Variants in KCTD9 observed in about 807,000 individuals in gnomAD.
KCTD9 encodes potassium channel tetramerization domain containing 9, also known as BTB/POZ domain-containing protein KCTD9.
A neutral mutation model predicts 53.3 loss-of-function variants in KCTD9; 17 were observed. That is an observed-to-expected ratio of 0.32 (90% CI 0.22 to 0.48). The LOEUF (loss-of-function observed/expected upper bound fraction) is 0.48. Among genes scored for constraint, KCTD9 ranks in the 20% least tolerant of loss-of-function variants. KCTD9 has a pLI of 0.99. For missense variants in KCTD9, 179 were observed against 465.5 expected, an observed-to-expected ratio of 0.38 and a Z score of 5.66; for synonymous variants, 128 against 162.7, an observed-to-expected ratio of 0.79 and a Z score of 1.62.
Position 25,429,774 on chromosome 8 carries a change from C to G in KCTD9, c.*83G>C. On this transcript the variant is annotated 3_prime_UTR_variant, in exon 12 of 12. Transcript: ENST00000221200. Reference sequence around the variant, plus strand: ...AAATTTCCTTACAGTGTTATTTCTTCTAGACAACTGAGTGGGTGGAGAAAG... The same window carrying G: ...AAATTTCCTTACAGTGTTATTTCTTGTAGACAACTGAGTGGGTGGAGAAAG... 1.3e-6 allele frequency: 1 copy of G among 743,752 alleles called. No individual in the cohort carries two copies. The allele number at this position is 743,752 out of a possible 1,614,324, so 46.1% of individuals were successfully genotyped here.
intron 1 of KCTD9, among the ~76,000 whole-genome samples, chr8:25,453,794 G>A (rs17053712): frequency 0.4 from 61,304 of 151,962 alleles, 12,741 homozygotes; most frequent in African/African-American, 0.51. Flanking sequence ...GCTACTTCTT[G>A]GGTTATCTGG....
At chr8:25,446,011 T>G in intron 2 of KCTD9, 118 bp downstream of exon 2, 1 of 1,325,416 alleles carries the variant, frequency 7.5e-7, no homozygotes, top group Non-Finnish European at 1.0e-6. Context: ...AAATTCTAGG[T>G]AAACACTTGC....
intron 5 of KCTD9, 57 bp downstream of exon 5, chr8:25,439,549 G>A: frequency 1.3e-6 from 2 of 1,598,082 alleles, no homozygotes; most frequent in Non-Finnish European, 1.7e-6. Context: ...GAGTTATAAA[G>A]TCAGCACAGA....
intron 9 of KCTD9, among the ~76,000 whole-genome samples, chr8:25,434,739 G>GACAT (rs1801988861): frequency 6.6e-6 from 1 of 152,056 alleles, no homozygotes; most frequent in South Asian, 2.1e-4. Flanking sequence ...TAATTCAAAA[G>GACAT]ACATACAGAC....
At chr8:25,430,118 C>T in intron 11 of KCTD9, 145 bp from the exon 12 acceptor site, 2 of 636,130 alleles carry the variant, frequency 3.1e-6, no homozygotes, top group South Asian at 3.7e-5. Flanking sequence ...GATGATACAC[C>T]ACCCTAAATT....
intron 1 of KCTD9, chr8:25,450,293 C>A: frequency 2.0e-6 from 2 of 979,172 alleles, no homozygotes; most frequent in Non-Finnish European, 2.4e-6. Context: ...ACCAATTATC[C>A]CTTGGTAAAG....
chr8:25,431,200 T>TG (rs1180966424), intron 11 of KCTD9, among the ~76,000 whole-genome samples: 1 of 152,078 alleles, frequency 6.6e-6, no homozygotes, highest in African/African-American at 2.4e-5. Context: ...AGGAATGAGA[T>TG]GGGGGGAAGA....
At chr8:25,431,024 T>A (rs1801918942) in intron 11 of KCTD9, among the ~76,000 whole-genome samples, 1 of 151,958 alleles carries the variant, frequency 6.6e-6, no homozygotes, top group South Asian at 2.1e-4. Flanking sequence ...AGAGACGGGG[T>A]TTCACCATGT....
Position 25,457,433 on chromosome 8 carries a change from G to T in KCTD9, c.48+766C>A, listed in dbSNP as rs1237069842. On this transcript the variant is annotated intron_variant, in intron 1 of 11. Transcript: ENST00000221200. ...TGGGGCAAAAGGCTGGGAAGGAAGA[G>T]AATTCGTTTTGGCTTGCTCCAGCGC... 3 of 950,448 alleles carry T rather than the reference G, an allele frequency of 3.2e-6. No homozygotes were observed. In the South Asian group the frequency reaches 1.5e-4, roughly 46 times the overall value. The allele number at this position is 950,448 out of a possible 1,614,324, so 58.9% of individuals were successfully genotyped here.
chr8:25,446,379 C>CA, intron 1 of KCTD9, 129 bp from the exon 2 acceptor site: 1 of 1,042,198 alleles, frequency 9.6e-7, no homozygotes, highest in South Asian at 1.9e-5. Flanking sequence ...AGGTTCTTAA[C>CA]AGTGCCCCCT....
At position 25,435,244 on chromosome 8, in the gene KCTD9, T is replaced by C. The variant is rs144829990; in HGVS notation, c.813+119A>G. The C allele has an allele frequency of 6.1e-4, 376 of 618,846 alleles. 2 individuals carry two copies. The African/African-American group carries it at 6.3e-3, about 10-fold the overall frequency. 38.3% of individuals were successfully genotyped at this position (618,846 alleles called of 1,614,324 possible). On this transcript the variant is annotated intron_variant, in intron 9 of 11. Coordinates refer to ENST00000221200, the MANE Select transcript of KCTD9 (RefSeq NM_017634.4). Reference sequence around the variant, plus strand: ...AGTCTTATATCAACATAATAAATTATCTGTTTTCAAGTAAAAGCTCCAGTA... The same window carrying C: ...AGTCTTATATCAACATAATAAATTACCTGTTTTCAAGTAAAAGCTCCAGTA...
At position 25,453,468 on chromosome 8, in the gene KCTD9, A is replaced by C. The variant is rs544915151; in HGVS notation, c.48+4731T>G. ...CAGGAGTTTGAGACCAGCCTGGCCA[A>C]TATGGTGAAACCCTGTCTCTACTAA... On this transcript the variant is annotated intron_variant, in intron 1 of 11. Coordinates refer to ENST00000221200, the MANE Select transcript of KCTD9 (RefSeq NM_017634.4). Among the ~76,000 whole-genome samples, 5 of 152,038 alleles carry C rather than the reference A, an allele frequency of 3.3e-5. No individual in the cohort carries two copies. The South Asian group carries it at 1.0e-3, about 32-fold the overall frequency.
intron 3 of KCTD9, among the ~76,000 whole-genome samples, chr8:25,441,575 C>T (rs996030862): frequency 1.3e-5 from 2 of 151,572 alleles, no homozygotes; most frequent in South Asian, 4.2e-4. Context: ...AGCAAGAACT[C>T]CCAAGAGAAT....
chr8:25,438,359 T>C (rs764276416), intron 6 of KCTD9, among the ~76,000 whole-genome samples: 3 of 151,916 alleles, frequency 2.0e-5, no homozygotes, highest in African/African-American at 4.8e-5. Context: ...AAGTTTGTTA[T>C]AGCAACACTA....
chr8:25,452,684 T>C (rs1376464739), intron 1 of KCTD9, among the ~76,000 whole-genome samples: 1 of 152,184 alleles, frequency 6.6e-6, no homozygotes, highest in African/African-American at 2.4e-5. Flanking sequence ...CCAGGATACA[T>C]ATACAGAAAT....
intron 6 of KCTD9, among the ~76,000 whole-genome samples, chr8:25,439,053 T>C (rs1802070531): frequency 6.6e-6 from 1 of 152,238 alleles, no homozygotes; most frequent in Non-Finnish European, 1.5e-5. Flanking sequence ...TATTTAGCTA[T>C]ATGTACAAAG....
intron 2 of KCTD9, among the ~76,000 whole-genome samples, chr8:25,445,272 G>T (rs977328386): frequency 3.9e-5 from 6 of 152,122 alleles, no homozygotes; most frequent in Admixed American, 3.9e-4. Context: ...TATGACCTGA[G>T]TGAGTCCTCA....
intron 1 of KCTD9, among the ~76,000 whole-genome samples, chr8:25,447,588 G>A (rs1054854391): frequency 1.3e-5 from 2 of 152,126 alleles, no homozygotes; most frequent in Non-Finnish European, 2.9e-5. Context: ...GGAAAAAGCT[G>A]CTCGATAACA....
intron 6 of KCTD9, among the ~76,000 whole-genome samples, chr8:25,437,732 C>T (rs1340167516): frequency 6.6e-6 from 1 of 151,160 alleles, no homozygotes; most frequent in Non-Finnish European, 1.5e-5. Flanking sequence ...CCTGTAATCC[C>T]ATCTACTTGG....
Sources: gnomAD v4.1 joint callset for allele counts (sites outside exome capture counted in the v4.1 genomes callset) on GRCh38, gnomAD v4.1.1 for gene constraint, MANE v1.5 for transcripts, NCBI Gene and HGNC (gene_info 2026-07-23, HGNC 2026-07-21) for gene names.